CBX2: variants seen among roughly 807,000 people sequenced by gnomAD.
CBX2 encodes chromobox protein homolog 2.
CBX2 carries 11 observed loss-of-function variants against 21.0 expected under a neutral mutation model. The observed-to-expected ratio is 0.52, with a 90% CI of 0.33 to 0.87. The LOEUF is 0.87. Ranked by LOEUF, CBX2 falls within the 40% of genes least tolerant of loss-of-function variation. CBX2 has a pLI of 0.02. For synonymous variants in CBX2, 364 were observed against 304.6 expected, an observed-to-expected ratio of 1.19 and a Z score of -2.03; for missense variants, 746 against 724.3, an observed-to-expected ratio of 1.03 and a Z score of -0.34.
chr17:79,786,174 G>A lies in CBX2; in HGVS notation c.*1132G>A, dbSNP rs1907621720. On this transcript the variant is annotated 3_prime_UTR_variant, in exon 5 of 5. Transcript: ENST00000310942. ...CTGGAGGACAGCAGTGCTGGCACTT[G>A]GGTGTCCATGGGCCCGTCTGCCGGC... is the stretch of plus-strand genomic sequence containing the variant. 1 of 152,644 alleles carries A rather than the reference G, an allele frequency of 6.6e-6. No individual in the cohort carries two copies. Among genetic ancestry groups the A allele is most frequent in the Admixed American group, 6.5e-5 (1 of 15,294 alleles). The allele number at this position is 152,644 out of a possible 1,614,324, so 9.5% of individuals were successfully genotyped here. A position where few individuals can be genotyped will look rare whatever the true frequency, so the allele number is the denominator to read the frequency against.
At position 79,787,547 on chromosome 17, in the gene CBX2, A is replaced by T. The variant is rs1482726379; in HGVS notation, c.*2505A>T. Reference sequence around the variant, plus strand: ...GGTTGTCTTATGTTTACCAATAAATAAAAGTAGACTTTTTCTATTTTTATT... The same window carrying T: ...GGTTGTCTTATGTTTACCAATAAATTAAAGTAGACTTTTTCTATTTTTATT... On this transcript the variant is annotated 3_prime_UTR_variant, in exon 5 of 5. Coordinates refer to ENST00000310942, the MANE Select transcript of CBX2 (RefSeq NM_005189.3). The T allele has an allele frequency of 6.6e-6, 1 of 152,642 alleles. No individual in the cohort carries two copies. The highest frequency in any genetic ancestry group is 1.5e-5 in the Non-Finnish European group (1 of 68,044). 9.5% of individuals were successfully genotyped at this position (152,642 alleles called of 1,614,324 possible). A position where few individuals can be genotyped will look rare whatever the true frequency, so the allele number is the denominator to read the frequency against.
intron 3 of CBX2, chr17:79,779,815 C>T: frequency 3.2e-6 from 1 of 309,784 alleles, no homozygotes. Context: ...CACAGTGACG[C>T]AGGTCTGCCC....
chr17:79,784,848 TC>T lies in CBX2; in HGVS notation c.1407del (p.Asp470ThrfsTer48). The T allele has an allele frequency of 6.2e-7, 1 of 1,612,890 alleles. No individual in the cohort carries two copies. The highest frequency in any genetic ancestry group is 8.5e-7 in the Non-Finnish European group (1 of 1,179,888). On this transcript the variant is annotated frameshift_variant, in exon 5 of 5. Transcript: ENST00000310942. LOFTEE classifies it high-confidence loss of function. The surrounding 1 kb of genome is among the most constrained non-coding windows in gnomAD (Gnocchi z 5.9). ...AGGTGAGGAGAGTAGCAGCTCGGAC[TC>T]CGACCCCGACTCCGCCTCGCCGCCC... Reference protein sequence around the residue: ...SAGEESSSSDSDPDSASPPST... With the variant: ...SAGEESSSSDXDPDSASPPST...
At chr17:79,780,091 G>A (rs1468316938) in intron 3 of CBX2, among the ~76,000 whole-genome samples, 1 of 152,232 alleles carries the variant, frequency 6.6e-6, no homozygotes, top group Non-Finnish European at 1.5e-5. Flanking sequence ...GCAAGGGGTG[G>A]TGAGGAGAGG....
At chr17:79,782,566 C>T (rs1346891939) in intron 4 of CBX2, 2 of 927,998 alleles carry the variant, frequency 2.2e-6, no homozygotes, top group Admixed American at 9.8e-5. Context: ...AGCTCAGTCA[C>T]TAACTGAACC....
intron 4 of CBX2, chr17:79,782,159 G>C: frequency 2.5e-6 from 4 of 1,612,714 alleles, no homozygotes; most frequent in Non-Finnish European, 3.4e-6. Context: ...GGTGCTCATA[G>C]GATTGCCGGC....
intron 4 of CBX2, 65 bp from the exon 5 acceptor site, chr17:79,783,666 TC>T: frequency 7.0e-7 from 1 of 1,426,492 alleles, no homozygotes; most frequent in Non-Finnish European, 9.7e-7. Context: ...CGCTTCGGCC[TC>T]CCAAAGTGCT....
chr17:79,786,522 G>A lies in CBX2; in HGVS notation c.*1480G>A, dbSNP rs1555832006. 1 of 152,678 alleles carries A rather than the reference G, an allele frequency of 6.5e-6. No individual in the cohort carries two copies. The highest frequency in any genetic ancestry group is 1.9e-4 in the East Asian group (1 of 5,194). The allele number at this position is 152,678 out of a possible 1,614,324, so 9.5% of individuals were successfully genotyped here. On this transcript the variant is annotated 3_prime_UTR_variant, in exon 5 of 5. Coordinates refer to ENST00000310942, the MANE Select transcript of CBX2 (RefSeq NM_005189.3). ...GTCACGTCTGGGAGCTAGCTTGTAT[G>A]GCTTCTGACCAGTATCAGGATTTCT...
chr17:79,783,986 C>A lies in CBX2; in HGVS notation c.543C>A (p.Ser181Arg). 1 of 1,613,656 alleles carries A rather than the reference C, an allele frequency of 6.2e-7. No homozygotes were observed. Among genetic ancestry groups the A allele is most frequent in the Non-Finnish European group, 8.5e-7 (1 of 1,180,034 alleles). The change falls in exon 5 of 5, where the codon AGC (serine) becomes AGA (arginine). Residue 181 changes from serine to arginine, a missense_variant. This residue lies in a region of CBX2 where 701 missense variants were observed against 650.7 expected (regional missense o/e 1.08). Coordinates refer to ENST00000310942, the MANE Select transcript of CBX2 (RefSeq NM_005189.3). ...PEQKATRRPV[S>R]LAKVLKTARK... is the part of the protein sequence containing the mutation. ...AAAAGGCAACCCGAAGACCCGTGAGCCTGGCCAAGGTGCTGAAGACCGCCC... is the reference window on the plus strand; with the variant it reads ...AAAAGGCAACCCGAAGACCCGTGAGACTGGCCAAGGTGCTGAAGACCGCCC...
chr17:79,784,634 T>TGGGGCCAGC lies in CBX2; in HGVS notation c.1199_1207dup (p.Ser400_Ala402dup). 6.2e-7 allele frequency: 1 copy of TGGGGCCAGC among 1,612,342 alleles called. No homozygotes were observed. Among genetic ancestry groups the TGGGGCCAGC allele is most frequent in the Non-Finnish European group, 8.5e-7 (1 of 1,179,854 alleles). On this transcript the variant is annotated inframe_insertion, in exon 5 of 5. Transcript: ENST00000310942. This position sits in a 1 kb window ranked among gnomAD's most constrained non-coding sequence, Gnocchi z 5.9. ...GGAAGGGCACTGGGAGTGGCCTCAT[T>TGGGGCCAGC]GGGGCCAGCGGGGCCACCATGCCCA...
chr17:79,783,824 C>CT lies in CBX2; in HGVS notation c.383dup (p.Leu128PhefsTer4). On this transcript the variant is annotated frameshift_variant, in exon 5 of 5. Coordinates refer to ENST00000310942, the MANE Select transcript of CBX2 (RefSeq NM_005189.3). LOFTEE classifies it low-confidence loss of function (END_TRUNC). ...CCTCAGATGAAGAGGATGACAGTGA[C>CT]TTAGATGCTAAGAGGGGTCCCCGGG... is the stretch of plus-strand genomic sequence containing the variant. 1 of 1,606,608 alleles carries CT rather than the reference C, an allele frequency of 6.2e-7. No homozygotes were observed. Among genetic ancestry groups the CT allele is most frequent in the Non-Finnish European group, 8.5e-7 (1 of 1,176,526 alleles).
rs1322808380 is a variant in CBX2, at chr17:79,785,240, C to G, written c.*198C>G. 3.3e-6 allele frequency: 2 copies of G among 612,542 alleles called. No individual in the cohort carries two copies. Among genetic ancestry groups the G allele is most frequent in the African/African-American group, 3.7e-5 (2 of 54,290 alleles). The allele number at this position is 612,542 out of a possible 1,614,324, so 37.9% of individuals were successfully genotyped here. ...CCAGGACATAGGGCAGGGGGCCTCA[C>G]TGCCTTGTTGGTCTCCACCTTGTTC... On this transcript the variant is annotated 3_prime_UTR_variant, in exon 5 of 5. Transcript: ENST00000310942.
chr17:79,779,212 G>A (rs1906974197), intron 2 of CBX2, 150 bp from the exon 3 acceptor site: 1 of 774,890 alleles, frequency 1.3e-6, no homozygotes. Context: ...TCCAAAACCT[G>A]GGTTTGGACT....
At position 79,778,941 on chromosome 17, in the gene CBX2, C is replaced by A. The variant is rs1053616557; in HGVS notation, c.117-421C>A. ...CTACCCCTCGAGGTGCCCCGGCCCG[C>A]GCGCCACATTGTTCTGGATCTCGGG... On this transcript the variant is annotated intron_variant, in intron 2 of 4. Coordinates refer to ENST00000310942, the MANE Select transcript of CBX2 (RefSeq NM_005189.3). This position sits in a 1 kb window ranked among gnomAD's most constrained non-coding sequence, Gnocchi z 4.8. Among the ~76,000 whole-genome samples, 33 of 152,332 alleles carry A rather than the reference C, an allele frequency of 2.2e-4. No homozygotes were observed. Among genetic ancestry groups the A allele is most frequent in the Admixed American group, 2.0e-4 (3 of 15,312 alleles).
At chr17:79,783,410 CT>C (rs67444092) in intron 4 of CBX2, among the ~76,000 whole-genome samples, 2,775 of 140,580 alleles carry the variant, frequency 0.02, 59 homozygotes, top group African/African-American at 0.056. Flanking sequence ...TCTCCTTTAT[CT>C]TTTTTTTTTT....
intron 4 of CBX2, 163 bp downstream of exon 4, chr17:79,781,964 A>C (rs782425658): frequency 1.9e-6 from 3 of 1,614,124 alleles, no homozygotes; most frequent in African/African-American, 1.3e-5. Flanking sequence ...CCTGTCTCTC[A>C]GCTTCTGCTG....
chr17:79,778,248 A>G lies in CBX2; in HGVS notation c.13A>G (p.Ser5Gly). The G allele has an allele frequency of 6.7e-7, 1 of 1,503,144 alleles. No homozygotes were observed. Among genetic ancestry groups the G allele is most frequent in the South Asian group, 1.2e-5 (1 of 81,262 alleles). 93.1% of individuals were successfully genotyped at this position (1,503,144 alleles called of 1,614,324 possible). Residue 5 changes from serine (S) to glycine (G), a missense_variant, in exon 1 of 5, where the codon AGC becomes GGC. By Grantham distance (56) the Ser-to-Gly change is moderately conservative. Around this residue, in one of 2 missense-constraint regions of CBX2, gnomAD observed 45 missense variants for 73.6 expected, o/e 0.61. Coordinates refer to ENST00000310942, the MANE Select transcript of CBX2 (RefSeq NM_005189.3). This position sits in a 1 kb window ranked among gnomAD's most constrained non-coding sequence, Gnocchi z 4.8. ...GCTGCCGGGCAGCATGGAGGAGCTGAGCAGCGTGGGCGAGCAGGTCTTCGC... is the reference window on the plus strand; with the variant it reads ...GCTGCCGGGCAGCATGGAGGAGCTGGGCAGCGTGGGCGAGCAGGTCTTCGC... Reference protein sequence around the residue: MEELSSVGEQVFAAE... With the variant: MEELGSVGEQVFAAE...
Position 79,786,397 on chromosome 17 carries a change from G to A in CBX2, c.*1355G>A, listed in dbSNP as rs1555831936. The A allele has an allele frequency of 6.5e-6, 1 of 152,748 alleles. No homozygotes were observed. The highest frequency in any genetic ancestry group is 1.5e-5 in the Non-Finnish European group (1 of 68,130). 9.5% of individuals were successfully genotyped at this position (152,748 alleles called of 1,614,324 possible). ...TGTGCCATTGGGGAAGCTGGACAAA[G>A]TCTAGGGGGCCCGCCTGGTAGAGGG... On this transcript the variant is annotated 3_prime_UTR_variant, in exon 5 of 5. Coordinates refer to ENST00000310942, the MANE Select transcript of CBX2 (RefSeq NM_005189.3).
chr17:79,784,154 A>C lies in CBX2; in HGVS notation c.711A>C (p.Leu237=). 1 of 1,612,566 alleles carries C rather than the reference A, an allele frequency of 6.2e-7. No homozygotes were observed. Among genetic ancestry groups the C allele is most frequent in the Non-Finnish European group, 8.5e-7 (1 of 1,179,818 alleles). The part of the protein sequence containing the change: ...AMATPENLAS[L]MKGMASSPGR... ...CCACCCCAGAGAACCTGGCCAGCCT[A>C]ATGAAGGGCATGGCCAGTAGCCCCG... The change falls in exon 5 of 5, where the codon CTA becomes CTC. Residue 237 remains leucine (L), a synonymous_variant. Coordinates refer to ENST00000310942, the MANE Select transcript of CBX2 (RefSeq NM_005189.3). The surrounding 1 kb of genome is among the most constrained non-coding windows in gnomAD (Gnocchi z 5.9).
Sources: gnomAD v4.1 joint callset for allele counts (sites outside exome capture counted in the v4.1 genomes callset) on GRCh38, gnomAD v4.1.1 for gene constraint, gnomAD v4.1.1 regional missense constraint, Gnocchi (gnomAD v3.1) non-coding constraint, MANE v1.5 for transcripts, NCBI Gene and HGNC (gene_info 2026-07-23, HGNC 2026-07-21) for gene names.